Variants in ARHGAP15 observed in about 807,000 individuals in gnomAD.
ARHGAP15 encodes the protein rho GTPase-activating protein 15.
A neutral mutation model predicts 63.7 loss-of-function variants in ARHGAP15; 51 were observed. The observed-to-expected ratio is 0.80, with a 90% CI of 0.64 to 1.01. The LOEUF is 1.01. Ranked by LOEUF, ARHGAP15 falls within the 50% of genes least tolerant of loss-of-function variation. The probability of loss-of-function intolerance (pLI) is 0.00; values close to 1 mark genes in which losing one functional copy is unlikely to be tolerated. For synonymous variants in ARHGAP15, 191 were observed against 193.8 expected (o/e 0.99, Z 0.12); for missense variants, 560 against 564.6 (o/e 0.99, Z 0.08).
chr2:143,388,599 G>A (rs1300884090), intron 6 of ARHGAP15, among the ~76,000 whole-genome samples: 4 of 152,062 alleles, frequency 2.6e-5, no homozygotes, highest in East Asian at 1.9e-4. Context: ...GGGAGGCATC[G>A]TGTATGTATA....
intron 8 of ARHGAP15, among the ~76,000 whole-genome samples, chr2:143,449,075 TC>T (rs1309100426): frequency 6.6e-6 from 1 of 152,008 alleles, no homozygotes; most frequent in East Asian, 1.9e-4. Context: ...ATCAATCCCT[TC>T]CAACCCATGA....
intron 8 of ARHGAP15, among the ~76,000 whole-genome samples, chr2:143,469,172 T>C (rs1691394933): frequency 6.6e-6 from 1 of 152,182 alleles, no homozygotes; most frequent in African/African-American, 2.4e-5. Context: ...CCAGGACCCC[T>C]GAGAACCTGT....
chr2:143,153,873 T>TCC (rs1689967986), intron 1 of ARHGAP15, among the ~76,000 whole-genome samples: 4 of 46,848 alleles, frequency 8.5e-5, no homozygotes, highest in South Asian at 6.0e-4. Context: ...CCTCCTCCTC[T>TCC]TCCTCCTCCT....
intron 8 of ARHGAP15, among the ~76,000 whole-genome samples, chr2:143,466,875 C>G (rs1691238973): frequency 6.6e-6 from 1 of 152,032 alleles, no homozygotes; most frequent in Non-Finnish European, 1.5e-5. Context: ...TCTCCTGATT[C>G]AGTAATGGCA....
At chr2:143,191,900 G>T (rs1320458764) in intron 2 of ARHGAP15, among the ~76,000 whole-genome samples, 1 of 152,152 alleles carries the variant, frequency 6.6e-6, no homozygotes, top group Non-Finnish European at 1.5e-5. Flanking sequence ...GTGCTGCCTT[G>T]AAGAATTTTT....
intron 6 of ARHGAP15, among the ~76,000 whole-genome samples, chr2:143,326,048 G>T (rs1684236530): frequency 6.6e-6 from 1 of 152,030 alleles, no homozygotes. Context: ...TGCTGTATTT[G>T]TCTATTTCTA....
chr2:143,223,809 G>C (rs1693094567), intron 4 of ARHGAP15, among the ~76,000 whole-genome samples: 1 of 152,172 alleles, frequency 6.6e-6, no homozygotes, highest in Non-Finnish European at 1.5e-5. Context: ...GGAGACACTG[G>C]AGTGAGCAGG....
chr2:143,501,878 G>C (rs1460435038), intron 9 of ARHGAP15, among the ~76,000 whole-genome samples: 1 of 152,160 alleles, frequency 6.6e-6, no homozygotes, highest in Non-Finnish European at 1.5e-5. Context: ...TTTTCCATAG[G>C]AGAGGTCTCT....
At chr2:143,209,634 A>G (rs1308902166) in intron 3 of ARHGAP15, among the ~76,000 whole-genome samples, 1 of 152,202 alleles carries the variant, frequency 6.6e-6, no homozygotes, top group Non-Finnish European at 1.5e-5. Context: ...TGGCCAGTTA[A>G]CTTGAGATTT....
At chr2:143,439,056 TTC>T (rs1689742758) in intron 8 of ARHGAP15, among the ~76,000 whole-genome samples, 1 of 152,180 alleles carries the variant, frequency 6.6e-6, no homozygotes, top group Non-Finnish European at 1.5e-5. Context: ...CACTCACTAC[TTC>T]TCTTTAGAAT....
intron 1 of ARHGAP15, among the ~76,000 whole-genome samples, chr2:143,136,503 G>T (rs1326377472): frequency 6.6e-6 from 1 of 152,008 alleles, no homozygotes; most frequent in Non-Finnish European, 1.5e-5. Flanking sequence ...ATTTGTACAT[G>T]TTTGAATTAA....
chr2:143,250,002 T>A (rs904561670), intron 5 of ARHGAP15, among the ~76,000 whole-genome samples: 3 of 152,132 alleles, frequency 2.0e-5, no homozygotes, highest in African/African-American at 7.2e-5. Context: ...TTAATCCACC[T>A]GCTCAATTTT....
intron 5 of ARHGAP15, among the ~76,000 whole-genome samples, chr2:143,245,664 A>T (rs1031641767): frequency 3.9e-5 from 6 of 151,930 alleles, no homozygotes; most frequent in African/African-American, 1.5e-4. Flanking sequence ...TAGAGGCTGA[A>T]GGACACAATC....
intron 1 of ARHGAP15, among the ~76,000 whole-genome samples, chr2:143,136,567 G>T (rs1349549376): frequency 1.4e-5 from 2 of 141,024 alleles, no homozygotes; most frequent in East Asian, 3.9e-4. Flanking sequence ...CAGACTTTTT[G>T]TTGGGCCCCC....
chr2:143,379,485 A>ATG (rs1234683861), intron 6 of ARHGAP15, among the ~76,000 whole-genome samples: 401 of 90,148 alleles, frequency 4.4e-3, no homozygotes, highest in Admixed American at 0.014. Context: ...TTAGGCATAT[A>ATG]TATGTGTGTG....
In ARHGAP15 at chr2:143,738,253, G is replaced by A. The variant is rs76281720; in HGVS notation, c.1245-29736G>A. 5.1e-4 allele frequency among the ~76,000 whole-genome samples: 70 copies of A among 136,990 alleles called. 1 individual carries two copies. The East Asian group carries it at 8.7e-3, about 17-fold the overall frequency. The allele number at this position is 136,990 out of a possible 152,430, so 89.9% of individuals were successfully genotyped here. A position where few individuals can be genotyped will look rare whatever the true frequency, so the allele number is the denominator to read the frequency against. On this transcript the variant is annotated intron_variant, in intron 13 of 13. Coordinates refer to ENST00000295095, the MANE Select transcript of ARHGAP15 (RefSeq NM_018460.4). ...AACAGCTCAATCTGTGCCTCAGGAA[G>A]TTAAATTTTTTTTTATCAGAGTAGC... is the stretch of plus-strand genomic sequence containing the variant.
chr2:143,373,649 A>AAAAAC (rs1686671892), intron 6 of ARHGAP15, among the ~76,000 whole-genome samples: 14 of 127,798 alleles, frequency 1.1e-4, no homozygotes, highest in South Asian at 2.7e-4. Context: ...AAAAAAAAAA[A>AAAAAC]AAAAAAAAAA....
intron 6 of ARHGAP15, among the ~76,000 whole-genome samples, chr2:143,254,035 C>T (rs946342920): frequency 3.9e-5 from 6 of 152,038 alleles, no homozygotes; most frequent in African/African-American, 9.7e-5. Context: ...GCTGGGTACG[C>T]GTTTTCTTAG....
At chr2:143,329,156 G>C (rs1684391297) in intron 6 of ARHGAP15, among the ~76,000 whole-genome samples, 1 of 152,142 alleles carries the variant, frequency 6.6e-6, no homozygotes, top group Admixed American at 6.6e-5. Flanking sequence ...CATGATCTCT[G>C]TTCCCTGGTC....
Sources: gnomAD v4.1 joint callset for allele counts (sites outside exome capture counted in the v4.1 genomes callset) on GRCh38, gnomAD v4.1.1 for gene constraint, MANE v1.5 for transcripts, NCBI Gene and HGNC (gene_info 2026-07-23, HGNC 2026-07-21) for gene names.